Variants in GABPB1 observed in about 807,000 individuals in gnomAD.
GABPB1 encodes the protein GA-binding protein subunit beta-1.
A neutral mutation model predicts 45.9 loss-of-function variants in GABPB1; 15 were observed. That is an observed-to-expected ratio of 0.33 (90% CI 0.22 to 0.50). The LOEUF (loss-of-function observed/expected upper bound fraction) is 0.50. Ranked by LOEUF, GABPB1 falls within the 20% of genes least tolerant of loss-of-function variation. The pLI is 0.98. For missense variants in GABPB1, 252 were observed against 457.5 expected (o/e 0.55, Z 4.10); for synonymous variants, 143 against 154.4 (o/e 0.93, Z 0.55).
chr15:50,321,565 G>T (rs530706013), intron 1 of GABPB1, among the ~76,000 whole-genome samples: 10 of 152,240 alleles, frequency 6.6e-5, no homozygotes, highest in South Asian at 6.2e-4. Flanking sequence ...AGCCAGGCAT[G>T]GTGGCTGGCA....
At chr15:50,342,676 A>G (rs2048419572) in intron 1 of GABPB1, among the ~76,000 whole-genome samples, 2 of 152,228 alleles carry the variant, frequency 1.3e-5, no homozygotes, top group South Asian at 4.1e-4. Flanking sequence ...GTTAAAGCCA[A>G]TGTTTTTGAA....
chr15:50,307,151 A>G (rs2046977608), intron 2 of GABPB1, among the ~76,000 whole-genome samples: 1 of 152,164 alleles, frequency 6.6e-6, no homozygotes, highest in Non-Finnish European at 1.5e-5. Context: ...ACTGTCTTCC[A>G]TAACGATTAT....
chr15:50,319,206 T>C (rs1477567895), intron 1 of GABPB1, among the ~76,000 whole-genome samples: 1 of 152,086 alleles, frequency 6.6e-6, no homozygotes, highest in Admixed American at 6.6e-5. Flanking sequence ...CACAACTGAG[T>C]GTAGGATTTT....
At chr15:50,326,424 G>A (rs2047765301) in intron 1 of GABPB1, among the ~76,000 whole-genome samples, 1 of 150,816 alleles carries the variant, frequency 6.6e-6, no homozygotes, top group African/African-American at 2.4e-5. Context: ...TTGGGAGGCT[G>A]AGGTGGGTGG....
chr15:50,303,211 G>A, intron 3 of GABPB1, 88 bp from the exon 4 acceptor site: 1 of 1,025,500 alleles, frequency 9.8e-7, no homozygotes, highest in African/African-American at 1.6e-5. Context: ...GTGCTTTAAA[G>A]CAAGAACAAA....
intron 8 of GABPB1, among the ~76,000 whole-genome samples, chr15:50,281,880 T>C (rs754884561): frequency 2.6e-5 from 4 of 152,166 alleles, no homozygotes; most frequent in Non-Finnish European, 4.4e-5. Flanking sequence ...GGCAGGTGGA[T>C]TGCTTGAGCC....
chr15:50,301,433 T>C (rs1595761707), intron 4 of GABPB1, 65 bp from the exon 5 acceptor site: 1 of 1,381,830 alleles, frequency 7.2e-7, no homozygotes, highest in Non-Finnish European at 1.0e-6. Context: ...AAATTCTCCA[T>C]ATAATACAAA....
chr15:50,329,932 G>T, intron 1 of GABPB1, among the ~76,000 whole-genome samples: 1 of 149,612 alleles, frequency 6.7e-6, no homozygotes. Context: ...CTGAAGGCAG[G>T]GTCTCATTCT....
chr15:50,295,220 T>C lies in GABPB1; in HGVS notation c.698-5552A>G, dbSNP rs974276679. Among the ~76,000 whole-genome samples the C allele has an allele frequency of 2.0e-5, 3 of 152,168 alleles. No homozygotes were observed. In the East Asian group the frequency reaches 5.8e-4, roughly 29 times the overall value. The stretch of plus-strand genomic sequence containing the variant: ...CTCTTCCCTGGTTGACTGCATTAGA[T>C]TCCAAACAAAACTCCCTTCCAAAGC... On this transcript the variant is annotated intron_variant, in intron 6 of 8. Coordinates refer to ENST00000380877, the MANE Select transcript of GABPB1 (RefSeq NM_016654.5).
chr15:50,319,924 A>G (rs1055014571), intron 1 of GABPB1, among the ~76,000 whole-genome samples: 1 of 152,234 alleles, frequency 6.6e-6, no homozygotes, highest in Admixed American at 6.5e-5. Flanking sequence ...AGTCATCTCA[A>G]CACATCCTTG....
At chr15:50,284,797 A>G (rs2046099720) in intron 8 of GABPB1, among the ~76,000 whole-genome samples, 1 of 152,192 alleles carries the variant, frequency 6.6e-6, no homozygotes, top group African/African-American at 2.4e-5. Context: ...CATATCAGAA[A>G]AACAACAAAA....
intron 1 of GABPB1, among the ~76,000 whole-genome samples, chr15:50,332,872 T>C (rs1385226196): frequency 6.6e-6 from 1 of 152,148 alleles, no homozygotes; most frequent in Non-Finnish European, 1.5e-5. Flanking sequence ...TTTAATGCAA[T>C]CCATATTCAT....
intron 1 of GABPB1, among the ~76,000 whole-genome samples, chr15:50,347,096 CTTTT>C (rs2048618951): frequency 6.6e-6 from 1 of 151,960 alleles, no homozygotes; most frequent in African/African-American, 2.4e-5. Context: ...TCTGGAGTCT[CTTTT>C]TTAAGAGCAC....
At chr15:50,310,571 C>T (rs1183754661) in intron 1 of GABPB1, among the ~76,000 whole-genome samples, 1 of 152,136 alleles carries the variant, frequency 6.6e-6, no homozygotes, top group African/African-American at 2.4e-5. Context: ...TTTTAAAAAA[C>T]AAATTTTCTG....
intron 6 of GABPB1, among the ~76,000 whole-genome samples, chr15:50,300,449 T>TG (rs1388745351): frequency 7.9e-6 from 1 of 126,684 alleles, no homozygotes; most frequent in Non-Finnish European, 1.8e-5. Context: ...TTTTTTTTTT[T>TG]TTTTTTTTTT....
intron 1 of GABPB1, among the ~76,000 whole-genome samples, chr15:50,312,038 T>G (rs2047146218): frequency 6.6e-6 from 1 of 152,120 alleles, no homozygotes. Context: ...GTTTCATTTG[T>G]AAGGATAAAA....
At chr15:50,322,293 C>T (rs2047599141) in intron 1 of GABPB1, among the ~76,000 whole-genome samples, 1 of 152,034 alleles carries the variant, frequency 6.6e-6, no homozygotes. Context: ...GTGACTCATA[C>T]CTGTAATCCC....
chr15:50,314,183 A>ATTTTT (rs879259395), intron 1 of GABPB1, among the ~76,000 whole-genome samples: 7 of 115,540 alleles, frequency 6.1e-5, no homozygotes, highest in Non-Finnish European at 1.2e-4. Flanking sequence ...TTATTTATTT[A>ATTTTT]TTTATTTATT....
At chr15:50,346,790 C>CTTTTTT (rs796246086) in intron 1 of GABPB1, among the ~76,000 whole-genome samples, 10 of 133,392 alleles carry the variant, frequency 7.5e-5, no homozygotes, top group African/African-American at 2.9e-4. Context: ...TGTCTGGAGT[C>CTTTTTT]TTTTTTTTTT....
Sources: gnomAD v4.1 joint callset for allele counts (sites outside exome capture counted in the v4.1 genomes callset) on GRCh38, gnomAD v4.1.1 for gene constraint, MANE v1.5 for transcripts, NCBI Gene and HGNC (gene_info 2026-07-23, HGNC 2026-07-21) for gene names.